Variants in FBXL20 observed in about 807,000 individuals in gnomAD.
FBXL20 encodes the protein F-box/LRR-repeat protein 20.
A neutral mutation model predicts 64.0 loss-of-function variants in FBXL20; 11 were observed. That is an observed-to-expected ratio of 0.17 (90% CI 0.11 to 0.28). The LOEUF (loss-of-function observed/expected upper bound fraction) is 0.28. FBXL20 is among the 10% of genes least tolerant of loss of function. The pLI, the probability that FBXL20 is intolerant of heterozygous loss-of-function variation, is 1.00. For missense variants in FBXL20, 303 were observed against 526.2 expected, an observed-to-expected ratio of 0.58 and a Z score of 4.15; for synonymous variants, 184 against 189.0, an observed-to-expected ratio of 0.97 and a Z score of 0.22.
intron 12 of FBXL20, among the ~76,000 whole-genome samples, chr17:39,268,136 G>A (rs2046808731): frequency 6.6e-6 from 1 of 152,124 alleles, no homozygotes; most frequent in Admixed American, 6.6e-5. Context: ...TGGATCACCT[G>A]AGGTCAGGAG....
chr17:39,365,882 T>A (rs537093602), intron 1 of FBXL20, among the ~76,000 whole-genome samples: 2 of 152,310 alleles, frequency 1.3e-5, no homozygotes, highest in African/African-American at 4.8e-5. Flanking sequence ...GTGACAATAT[T>A]ATTTCATGTC....
chr17:39,401,892 A>C, upstream of FBXL20: 19 of 384,360 alleles, frequency 4.9e-5, no homozygotes, highest in East Asian at 9.5e-5. Context: ...GAGGCAGGGA[A>C]GTGCCTGTGC....
intron 6 of FBXL20, among the ~76,000 whole-genome samples, chr17:39,292,609 T>G (rs1214338303): frequency 6.7e-6 from 1 of 148,410 alleles, no homozygotes; most frequent in African/African-American, 2.6e-5. Flanking sequence ...TTCAGTCACT[T>G]CTGGGTCTAT....
chr17:39,316,311 ACAC>A, intron 2 of FBXL20, among the ~76,000 whole-genome samples: 1 of 152,090 alleles, frequency 6.6e-6, no homozygotes, highest in South Asian at 2.1e-4. Flanking sequence ...ACACACACAC[ACAC>A]ATTTTTTTCT....
intron 3 of FBXL20, among the ~76,000 whole-genome samples, chr17:39,302,198 A>C (rs2047142301): frequency 6.6e-6 from 1 of 151,946 alleles, no homozygotes; most frequent in South Asian, 2.1e-4. Flanking sequence ...CTATATATAG[A>C]GTATATATAT....
Position 39,309,806 on chromosome 17 carries a change from G to C in FBXL20, c.105-6167C>G, listed in dbSNP as rs578014519. 1.2e-3 allele frequency among the ~76,000 whole-genome samples: 175 copies of C among 143,190 alleles called. 1 individual carries two copies. The highest frequency in any genetic ancestry group is 4.3e-3 in the African/African-American group (163 of 38,062). The allele number at this position is 143,190 out of a possible 152,430, so 93.9% of individuals were successfully genotyped here. On this transcript the variant is annotated intron_variant, in intron 2 of 14. Coordinates refer to ENST00000264658, the MANE Select transcript of FBXL20 (RefSeq NM_032875.3). ...GACTCCATCTCAAAAAAAAAAAAAA[G>C]AAAAGAAAAATAAAGAAAAGAGAAA...
In FBXL20 at chr17:39,264,167, A is replaced by AT. The variant is rs763084776; in HGVS notation, c.1203+7dup. The AT allele has an allele frequency of 4.5e-5, 72 of 1,613,774 alleles. No individual in the cohort carries two copies. The highest frequency in any genetic ancestry group is 4.0e-4 in the South Asian group (36 of 91,082). On this transcript the variant is annotated splice_region_variant and intron_variant, in intron 14 of 14. Coordinates refer to ENST00000264658, the MANE Select transcript of FBXL20 (RefSeq NM_032875.3). ...ACTAGAGTTGGAGAGTTATGTAGCC[A>AT]TTTTTACCCTGAGTCTCTTGATTCC... is the stretch of plus-strand genomic sequence containing the variant.
chr17:39,290,529 A>G (rs537114924), intron 6 of FBXL20, among the ~76,000 whole-genome samples: 1 of 152,290 alleles, frequency 6.6e-6, no homozygotes. Flanking sequence ...TCACATATAT[A>G]CTTGATCAGG....
At chr17:39,341,720 G>A (rs1403891990) in intron 2 of FBXL20, among the ~76,000 whole-genome samples, 2 of 152,172 alleles carry the variant, frequency 1.3e-5, no homozygotes, top group Non-Finnish European at 2.9e-5. Flanking sequence ...GATCACTTAG[G>A]TGAACTGGCT....
upstream of FBXL20, chr17:39,401,740 G>A (rs2048247843): frequency 9.2e-7 from 1 of 1,087,814 alleles, no homozygotes; most frequent in African/African-American, 1.7e-5. Context: ...GGGGCGGGAG[G>A]GGAGGAGCGC....
intron 2 of FBXL20, among the ~76,000 whole-genome samples, chr17:39,304,329 G>A (rs1008774577): frequency 3.3e-5 from 5 of 151,968 alleles, no homozygotes; most frequent in Admixed American, 1.3e-4. Flanking sequence ...ACTCTGTCAC[G>A]CAGGCTTGAG....
intron 3 of FBXL20, 120 bp downstream of exon 3, chr17:39,303,465 T>C: frequency 1.3e-6 from 1 of 762,820 alleles, no homozygotes. Context: ...GGTGAAATAA[T>C]CTCCTTTAAA....
chr17:39,350,525 A>AG (rs559708542), intron 1 of FBXL20, among the ~76,000 whole-genome samples: 113 of 151,856 alleles, frequency 7.4e-4, no homozygotes, highest in Middle Eastern at 6.8e-3. Flanking sequence ...AAGCAAAAAA[A>AG]AAAAAAAAAA....
At chr17:39,381,085 G>C (rs775001210) in intron 1 of FBXL20, among the ~76,000 whole-genome samples, 2 of 152,064 alleles carry the variant, frequency 1.3e-5, no homozygotes, top group South Asian at 4.2e-4. Context: ...ACTTGAACCC[G>C]GGAGGCGGAA....
chr17:39,394,928 T>C (rs2048168523), intron 1 of FBXL20, among the ~76,000 whole-genome samples: 1 of 152,128 alleles, frequency 6.6e-6, no homozygotes, highest in Non-Finnish European at 1.5e-5. Flanking sequence ...TGAGAAACAG[T>C]AATCTAAAGA....
chr17:39,388,399 C>A (rs2048102064), intron 1 of FBXL20, among the ~76,000 whole-genome samples: 1 of 151,354 alleles, frequency 6.6e-6, no homozygotes, highest in Non-Finnish European at 1.5e-5. Flanking sequence ...GTGGAGGTTG[C>A]AGTGAGCCAA....
At chr17:39,302,571 C>T (rs1459092920) in intron 3 of FBXL20, among the ~76,000 whole-genome samples, 2 of 152,148 alleles carry the variant, frequency 1.3e-5, no homozygotes, top group African/African-American at 4.8e-5. Flanking sequence ...GATGGGGTTT[C>T]ACTGTGTTAG....
At chr17:39,310,422 A>C (rs1186828513) in intron 2 of FBXL20, among the ~76,000 whole-genome samples, 1 of 152,030 alleles carries the variant, frequency 6.6e-6, no homozygotes, top group Non-Finnish European at 1.5e-5. Context: ...CCAGTTACCT[A>C]ATCTAAGAAT....
chr17:39,295,119 A>G (rs1745157186), intron 6 of FBXL20, among the ~76,000 whole-genome samples: 1 of 152,200 alleles, frequency 6.6e-6, no homozygotes, highest in African/African-American at 2.4e-5. Flanking sequence ...CGATGAAACA[A>G]GACTGGCTGT....
Sources: allele counts gnomAD v4.1 joint callset (sites outside exome capture counted in the v4.1 genomes callset), GRCh38; gene constraint gnomAD v4.1.1; transcripts MANE v1.5; gene names NCBI Gene and HGNC (gene_info 2026-07-23, HGNC 2026-07-21).